Variants in MS4A4E observed in about 807,000 individuals in gnomAD.
MS4A4E encodes membrane spanning 4-domains A4E.
MS4A4E carries 23 observed loss-of-function variants against 13.3 expected under a neutral mutation model. The ratio of observed to expected loss-of-function variants is 1.73; its 90% CI spans 1.25 to 2.45. The LOEUF is 2.45. MS4A4E is among the 30% of genes most tolerant of loss of function. The probability of loss-of-function intolerance (pLI) is 0.00; values close to 1 mark genes in which losing one functional copy is unlikely to be tolerated. For missense variants in MS4A4E, 144 were observed against 131.2 expected, an observed-to-expected ratio of 1.10 and a Z score of -0.48; for synonymous variants, 36 against 45.6, an observed-to-expected ratio of 0.79 and a Z score of 0.85.
At chr11:60,208,938 T>C in intron 5 of MS4A4E, 1 of 224,852 alleles carries the variant, frequency 4.4e-6, no homozygotes, top group Non-Finnish European at 8.8e-6. Context: ...ATTGTGGGCA[T>C]GGAAGATGAA....
intron 5 of MS4A4E, among the ~76,000 whole-genome samples, chr11:60,212,172 T>A (rs1346315746): frequency 6.6e-6 from 1 of 152,168 alleles, no homozygotes; most frequent in Non-Finnish European, 1.5e-5. Flanking sequence ...TGAGAATTTT[T>A]CAGGTGCCAC....
Position 60,201,698 on chromosome 11 carries a change from C to T in MS4A4E, c.841G>A (p.Asp281Asn). Residue 281 changes from aspartate to asparagine, a missense_variant, in exon 9 of 9, where the codon GAC becomes AAC. Around this residue, in one of 3 missense-constraint regions of MS4A4E, gnomAD observed 21 missense variants for 25.1 expected, o/e 0.84. Transcript: ENST00000651255. Reference sequence around the variant, plus strand: ...AGCCAGGCAGAGGGGCTCCTCACGTCCCAGACGATAGGCGGCCAGGCAGAG... The same window carrying T: ...AGCCAGGCAGAGGGGCTCCTCACGTTCCAGACGATAGGCGGCCAGGCAGAG... ...SVSAWPPIVW[D>N]VRSPSAWLPS... The T allele has an allele frequency of 4.0e-6, 1 of 248,924 alleles. No individual in the cohort carries two copies. The highest frequency in any genetic ancestry group is 8.2e-6 in the Non-Finnish European group (1 of 121,410). 15.4% of individuals were successfully genotyped at this position (248,924 alleles called of 1,614,324 possible).
Position 60,212,419 on chromosome 11 carries a change from C to T in MS4A4E, c.381+555G>A, listed in dbSNP as rs528809836. Among the ~76,000 whole-genome samples the T allele has an allele frequency of 7.9e-5, 12 of 151,828 alleles. No homozygotes were observed. In the South Asian group the frequency reaches 2.5e-3, roughly 32 times the overall value. On this transcript the variant is annotated intron_variant, in intron 5 of 8. Coordinates refer to ENST00000651255, the MANE Select transcript of MS4A4E (RefSeq NM_001393391.1). ...CCACCTCCTGGGTTCACGCCATTCTCCTGCCTCAGCCTCCCGAGTAGCTGG... is the reference window on the plus strand; with the variant it reads ...CCACCTCCTGGGTTCACGCCATTCTTCTGCCTCAGCCTCCCGAGTAGCTGG...
At chr11:60,235,514 T>G (rs924295530) in intron 1 of MS4A4E, among the ~76,000 whole-genome samples, 4 of 152,236 alleles carry the variant, frequency 2.6e-5, no homozygotes, top group African/African-American at 9.6e-5. Context: ...TTGCCACTCT[T>G]GATTAGCGAC....
At position 60,229,924 on chromosome 11, in the gene MS4A4E, G is replaced by A; in HGVS notation, c.132C>T (p.Pro44=). Reference sequence around the variant, plus strand: ...GCAATTGACTTACCCCAAGGACTTTGGGTTTCCTCTTGAAGAACTTCTCTT... The same window carrying A: ...GCAATTGACTTACCCCAAGGACTTTAGGTTTCCTCTTGAAGAACTTCTCTT... ...GLQEKFFKRK[P]KVLGVLCGHK... is the part of the protein sequence containing the mutation. The change falls in exon 2 of 9, where the codon CCC becomes CCT. Residue 44 remains proline, a synonymous_variant. Transcript: ENST00000651255. 1 of 1,606,838 alleles carries A rather than the reference G, an allele frequency of 6.2e-7. No homozygotes were observed. Among genetic ancestry groups the A allele is most frequent in the South Asian group, 1.1e-5 (1 of 90,132 alleles).
At chr11:60,229,135 A>G (rs1022977653) in intron 2 of MS4A4E, among the ~76,000 whole-genome samples, 4 of 152,254 alleles carry the variant, frequency 2.6e-5, no homozygotes, top group Non-Finnish European at 5.9e-5. Context: ...TGTCGGGGCA[A>G]GGGGCATATG....
intron 2 of MS4A4E, among the ~76,000 whole-genome samples, chr11:60,228,858 T>A (rs2134960375): frequency 6.6e-6 from 1 of 152,342 alleles, no homozygotes; most frequent in Middle Eastern, 3.4e-3. Flanking sequence ...TAATTTATAA[T>A]GTTAACTGTA....
rs112849316 is a variant in MS4A4E, at chr11:60,237,734, G to A, written c.-17+5224C>T. ...TTGAGTATTTTTTCATATGACTGTT[G>A]GCCGCATGTACATCTTATTTTGAAG... On this transcript the variant is annotated intron_variant, in intron 1 of 8. Transcript: ENST00000651255. Among the ~76,000 whole-genome samples, 256 of 152,006 alleles carry A rather than the reference G, an allele frequency of 1.7e-3. 1 individual carries two copies. Among genetic ancestry groups the A allele is most frequent in the African/African-American group, 5.9e-3 (245 of 41,444 alleles).
intron 5 of MS4A4E, among the ~76,000 whole-genome samples, chr11:60,211,225 T>C (rs4939319): frequency 0.15 from 23,179 of 152,232 alleles, 2,030 homozygotes; most frequent in African/African-American, 0.23. Context: ...CTTTTGCCAA[T>C]TTCTAACTGA....
At chr11:60,211,496 A>G (rs1274586874) in intron 5 of MS4A4E, among the ~76,000 whole-genome samples, 1 of 152,168 alleles carries the variant, frequency 6.6e-6, no homozygotes, top group African/African-American at 2.4e-5. Flanking sequence ...GTTTCCACAT[A>G]CACATGAGGG....
chr11:60,230,124 T>C (rs1184164022), intron 1 of MS4A4E, 53 bp from the exon 2 acceptor site: 3 of 1,511,184 alleles, frequency 2.0e-6, no homozygotes, highest in Non-Finnish European at 2.6e-6. Flanking sequence ...CAAAAGAAAG[T>C]CTTGACACTT....
At chr11:60,225,675 A>G (rs1233432040) in intron 3 of MS4A4E, among the ~76,000 whole-genome samples, 1 of 152,166 alleles carries the variant, frequency 6.6e-6, no homozygotes, top group African/African-American at 2.4e-5. Flanking sequence ...GAAAAAATTT[A>G]TAACATTGAA....
chr11:60,241,245 C>T (rs1302436615), intron 1 of MS4A4E, among the ~76,000 whole-genome samples: 2 of 152,254 alleles, frequency 1.3e-5, no homozygotes, highest in South Asian at 2.1e-4. Context: ...AGGATGGTCT[C>T]GATCCTCTGA....
At chr11:60,214,724 A>G in intron 3 of MS4A4E, 110 bp from the exon 4 acceptor site, 1 of 559,166 alleles carries the variant, frequency 1.8e-6, no homozygotes. Context: ...AGATATGTAT[A>G]AACAGGTCAA....
intron 1 of MS4A4E, among the ~76,000 whole-genome samples, chr11:60,237,663 C>T (rs1009511131): frequency 6.6e-6 from 1 of 152,000 alleles, no homozygotes. Flanking sequence ...TGTAAGGGGG[C>T]ATTTCATTAT....
chr11:60,216,884 G>T, intron 3 of MS4A4E, among the ~76,000 whole-genome samples: 1 of 152,114 alleles, frequency 6.6e-6, no homozygotes, highest in East Asian at 1.9e-4. Context: ...GACTCATTTA[G>T]TCTTCTGGTC....
At chr11:60,242,913 A>C in intron 1 of MS4A4E, 45 bp downstream of exon 1, 1 of 1,422,512 alleles carries the variant, frequency 7.0e-7, no homozygotes, top group South Asian at 1.2e-5. Flanking sequence ...GAAATGAAAC[A>C]AACTATCAGT....
chr11:60,206,145 GA>G (rs987559675), intron 6 of MS4A4E, among the ~76,000 whole-genome samples: 28 of 152,124 alleles, frequency 1.8e-4, no homozygotes, highest in African/African-American at 5.8e-4. Flanking sequence ...CTTCATGAAG[GA>G]AAAAGCACTT....
At chr11:60,215,360 T>C (rs537129792) in intron 3 of MS4A4E, among the ~76,000 whole-genome samples, 15 of 151,876 alleles carry the variant, frequency 9.9e-5, no homozygotes, top group East Asian at 3.9e-4. Context: ...ATAAAATACA[T>C]CATGAACATT....
Sources: gnomAD v4.1 joint callset for allele counts (sites outside exome capture counted in the v4.1 genomes callset) on GRCh38, gnomAD v4.1.1 for gene constraint, gnomAD v4.1.1 regional missense constraint, MANE v1.5 for transcripts, NCBI Gene and HGNC (gene_info 2026-07-23, HGNC 2026-07-21) for gene names.